The following AVEN variants were observed in gnomAD, a reference collection of about 807,000 sequenced individuals.
AVEN encodes cell death regulator Aven.
In AVEN, 41 loss-of-function variants were observed where a neutral mutation model predicts 38.1. That is an observed-to-expected ratio of 1.08 (90% CI 0.84 to 1.40). The LOEUF (loss-of-function observed/expected upper bound fraction) is 1.40, where lower values mean the gene tolerates loss of function less well. AVEN is among the 40% of genes most tolerant of loss of function. The probability of loss-of-function intolerance (pLI) is 0.00; values close to 1 mark genes in which losing one functional copy is unlikely to be tolerated. For missense variants in AVEN, 605 were observed against 438.8 expected, an observed-to-expected ratio of 1.38 and a Z score of -3.38; for synonymous variants, 206 against 171.8, an observed-to-expected ratio of 1.20 and a Z score of -1.56.
intron 2 of AVEN, among the ~76,000 whole-genome samples, chr15:33,961,686 A>G (rs370007989): frequency 0.021 from 3,171 of 150,728 alleles, 38 homozygotes; most frequent in Non-Finnish European, 0.029. Context: ...GGTGGCGGGC[A>G]CCTGTAGTCC....
At chr15:33,853,365 AAC>A in the AVEN span, among the ~76,000 whole-genome samples, 870 of 152,316 alleles carry the variant, frequency 5.7e-3, 10 homozygotes, top group African/African-American at 0.02. Context: ...CAGCTTAAAA[AAC>A]AGTTATCATT....
intron 2 of AVEN, among the ~76,000 whole-genome samples, chr15:33,929,479 T>G (rs1893755843): frequency 1.3e-5 from 2 of 152,214 alleles, no homozygotes; most frequent in Admixed American, 1.3e-4. Flanking sequence ...TTTGTAGGAC[T>G]GATGCTGGTG....
chr15:34,035,643 ACT>A (rs1314462511), intron 1 of AVEN, among the ~76,000 whole-genome samples: 1 of 152,200 alleles, frequency 6.6e-6, no homozygotes, highest in Non-Finnish European at 1.5e-5. Flanking sequence ...AATGTGAATT[ACT>A]GTTATTACTA....
rs1372118342 is a variant in AVEN at position 33,866,738 on chromosome 15, A to AAAAAACAATGTTAACACCC, written c.974-29_974-11dup. ...GATGGTTTTGCACAAACTGGGGGAA[A>AAAAAACAATGTTAACACCC]AAAAACAATGTTAACACCCTCAGAT... On this transcript the variant is annotated splice_polypyrimidine_tract_variant and intron_variant, in intron 5 of 5. Coordinates refer to ENST00000306730, the MANE Select transcript of AVEN (RefSeq NM_020371.3). 1.3e-6 allele frequency: 2 copies of AAAAAACAATGTTAACACCC among 1,594,994 alleles called. No homozygotes were observed. Among genetic ancestry groups the AAAAAACAATGTTAACACCC allele is most frequent in the South Asian group, 2.2e-5 (2 of 90,458 alleles).
intron 4 of AVEN, chr15:34,064,373 G>A (rs2140849509): frequency 1.3e-6 from 2 of 1,510,160 alleles, no homozygotes; most frequent in Non-Finnish European, 1.8e-6. Flanking sequence ...CTCTGAGGAT[G>A]AGCAAGCTGA....
intron 2 of AVEN, among the ~76,000 whole-genome samples, chr15:33,889,928 T>C (rs1347832167): frequency 6.6e-6 from 1 of 152,150 alleles, no homozygotes; most frequent in East Asian, 1.9e-4. Context: ...AAATGTGCTC[T>C]CCACCAATGG....
At chr15:33,858,293 C>G (rs987176887), downstream of AVEN, 15 of 184,188 alleles carry the variant, frequency 8.1e-5, no homozygotes, top group Non-Finnish European at 2.3e-5. Flanking sequence ...CAACCTCCGC[C>G]TCTCAGGTTC....
chr15:34,030,041 G>A lies in AVEN; in HGVS notation c.267+8739C>T, dbSNP rs554082709. 7.9e-5 allele frequency among the ~76,000 whole-genome samples: 12 copies of A among 152,104 alleles called. No individual in the cohort carries two copies. In the East Asian group the frequency reaches 2.3e-3, roughly 30 times the overall value. ...GGCCGAGGCAGGCGGATCACTTGAG[G>A]TCAGGAGTTCGAGCCCAGCCTGGCC... On this transcript the variant is annotated intron_variant, in intron 1 of 5. Coordinates refer to ENST00000306730, the MANE Select transcript of AVEN (RefSeq NM_020371.3).
At chr15:33,871,641 G>C (rs779407275) in intron 3 of AVEN, among the ~76,000 whole-genome samples, 1 of 152,074 alleles carries the variant, frequency 6.6e-6, no homozygotes, top group Non-Finnish European at 1.5e-5. Context: ...TGAAAGAAAA[G>C]CAAGCATTTA....
At chr15:34,064,250 C>G in intron 4 of AVEN, 2 of 1,614,108 alleles carry the variant, frequency 1.2e-6, no homozygotes, top group Non-Finnish European at 1.7e-6. Flanking sequence ...TGCTGCTTCT[C>G]TGCCGATGGA....
At chr15:33,993,578 G>C (rs1303251855) in intron 2 of AVEN, among the ~76,000 whole-genome samples, 1 of 152,158 alleles carries the variant, frequency 6.6e-6, no homozygotes, top group Non-Finnish European at 1.5e-5. Context: ...CACTTTTAAA[G>C]AGTTTTATTC....
chr15:34,050,342 TC>T (rs1899889610), intron 5 of AVEN, among the ~76,000 whole-genome samples: 1 of 152,160 alleles, frequency 6.6e-6, no homozygotes, highest in African/African-American at 2.4e-5. Flanking sequence ...TCCTGAAGCT[TC>T]CATATTAAGC....
chr15:33,856,381 A>C (rs1206613655), downstream of AVEN: 2 of 152,142 alleles, frequency 1.3e-5, no homozygotes, highest in African/African-American at 4.8e-5. Flanking sequence ...CTCCCAGCTC[A>C]ATGCCTAGTC....
upstream of AVEN, among the ~76,000 whole-genome samples, chr15:34,043,342 T>C (rs1213444559): frequency 1.3e-5 from 2 of 152,146 alleles, no homozygotes; most frequent in Admixed American, 6.5e-5. Context: ...ACTGTCCTCT[T>C]GCAAATATAA....
At chr15:34,003,395 C>T (rs1329882024) in intron 1 of AVEN, among the ~76,000 whole-genome samples, 186 bp from the exon 2 acceptor site, 3 of 152,126 alleles carry the variant, frequency 2.0e-5, no homozygotes, top group Non-Finnish European at 4.4e-5. Flanking sequence ...GTGAACTTTC[C>T]AGTAATCATT....
In AVEN at chr15:33,923,772, G is replaced by A. The variant is rs1448175805; in HGVS notation, c.446-47777C>T. On this transcript the variant is annotated intron_variant, in intron 2 of 5. Transcript: ENST00000306730. Reference sequence around the variant, plus strand: ...GGCAAGGCAGGGGAGAGTGAGCAAAGCTTCATCTGTATTTACAGCCACTCC... The same window carrying A: ...GGCAAGGCAGGGGAGAGTGAGCAAAACTTCATCTGTATTTACAGCCACTCC... 3.3e-5 allele frequency among the ~76,000 whole-genome samples: 5 copies of A among 151,978 alleles called. No homozygotes were observed. In the East Asian group the frequency reaches 9.7e-4, roughly 30 times the overall value.
At chr15:34,039,271 C>G (rs565493110), upstream of AVEN, 7 of 184,856 alleles carry the variant, frequency 3.8e-5, no homozygotes, top group South Asian at 1.9e-4. Flanking sequence ...GCGGGAAGGC[C>G]GGACCGCTGG....
intron 4 of AVEN, among the ~76,000 whole-genome samples, chr15:33,870,311 A>G (rs28716593): frequency 6.6e-6 from 1 of 152,064 alleles, no homozygotes; most frequent in African/African-American, 2.4e-5. Flanking sequence ...TTACCCCCAC[A>G]CATGCACTCC....
chr15:33,854,505 G>C (rs911604777), downstream of AVEN: 7 of 1,412,480 alleles, frequency 5.0e-6, no homozygotes, highest in Non-Finnish European at 5.8e-6. Flanking sequence ...GGATGCCACA[G>C]AGAAGCAAGC....
Sources: gnomAD v4.1 joint callset for allele counts (sites outside exome capture counted in the v4.1 genomes callset) on GRCh38, gnomAD v4.1.1 for gene constraint, MANE v1.5 for transcripts, NCBI Gene and HGNC (gene_info 2026-07-23, HGNC 2026-07-21) for gene names.